PCDHGA3: variants seen among roughly 807,000 people sequenced by gnomAD.
PCDHGA3 encodes protocadherin gamma subfamily A, 3.
In PCDHGA3, 40 loss-of-function variants were observed where a neutral mutation model predicts 58.5. That is an observed-to-expected ratio of 0.68 (90% confidence interval 0.53 to 0.89). PCDHGA3 has a LOEUF of 0.89. Ranked by LOEUF, PCDHGA3 falls within the 40% of genes least tolerant of loss-of-function variation. The pLI is 0.00. For synonymous variants in PCDHGA3, 530 were observed against 525.7 expected, an observed-to-expected ratio of 1.01 and a Z score of -0.11; for missense variants, 1,223 against 1,195.9, an observed-to-expected ratio of 1.02 and a Z score of -0.33.
chr5:141,378,863 G>C (rs934816631), intron 1 of PCDHGA3: 1 of 152,136 alleles, frequency 6.6e-6, no homozygotes, highest in Non-Finnish European at 1.5e-5. Context: ...AATGATGTTC[G>C]AATAGAAAAT....
chr5:141,392,488 T>G, intron 1 of PCDHGA3: 1 of 203,312 alleles, frequency 4.9e-6, no homozygotes, highest in Non-Finnish European at 9.8e-6. Flanking sequence ...AACAAAGTAA[T>G]AAGCAAATGA....
intron 2 of PCDHGA3, among the ~76,000 whole-genome samples, chr5:141,496,744 T>C (rs1383447795): frequency 6.6e-6 from 1 of 152,170 alleles, no homozygotes; most frequent in Non-Finnish European, 1.5e-5. Context: ...GTTCATTTAT[T>C]CAACAAATAT....
chr5:141,376,602 A>C, intron 1 of PCDHGA3: 1 of 1,521,112 alleles, frequency 6.6e-7, no homozygotes, highest in Non-Finnish European at 8.9e-7. Context: ...CTGTTATAGA[A>C]GCGAACCTCT....
In PCDHGA3 at chr5:141,408,106, G is replaced by A. The variant is rs1474157141; in HGVS notation, c.2424+61649G>A. The A allele has an allele frequency of 8.3e-6, 12 of 1,444,288 alleles. No individual in the cohort carries two copies. In the East Asian group the frequency reaches 2.7e-4, roughly 33 times the overall value. 89.5% of individuals were successfully genotyped at this position (1,444,288 alleles called of 1,614,324 possible). On this transcript the variant is annotated intron_variant, in intron 1 of 3. Transcript: ENST00000253812. ...AGCGGATTGCCAGCTCCGAGACCCG[G>A]GACTCCTCCTGTCCTGGGCCGAATG...
At chr5:141,435,954 G>A (rs1163590812) in intron 1 of PCDHGA3, among the ~76,000 whole-genome samples, 2 of 152,092 alleles carry the variant, frequency 1.3e-5, no homozygotes, top group African/African-American at 2.4e-5. Flanking sequence ...AAAAAAGGGG[G>A]CAAAATATAG....
At position 141,477,596 on chromosome 5, in the gene PCDHGA3, T is replaced by G. The variant is rs1364779381; in HGVS notation, c.2425-17211T>G. ...CGCCCCGCAGAATGCTCGGCTTTCTTTCTTTCTCTTGGAGCAAGGAGCTGA... is the reference window on the plus strand; with the variant it reads ...CGCCCCGCAGAATGCTCGGCTTTCTGTCTTTCTCTTGGAGCAAGGAGCTGA... On this transcript the variant is annotated intron_variant, in intron 1 of 3. Transcript: ENST00000253812. This position sits in a 1 kb window ranked among gnomAD's most constrained non-coding sequence, Gnocchi z 4.9. The G allele has an allele frequency of 6.2e-7, 1 of 1,614,184 alleles. No individual in the cohort carries two copies. The highest frequency in any genetic ancestry group is 1.1e-5 in the South Asian group (1 of 91,086).
intron 1 of PCDHGA3, chr5:141,405,445 A>G: frequency 7.3e-7 from 1 of 1,360,898 alleles, no homozygotes; most frequent in Non-Finnish European, 1.0e-6. Context: ...TTTGAGACAG[A>G]GTCTTACTCT....
At chr5:141,443,448 T>C (rs1205977008) in intron 1 of PCDHGA3, among the ~76,000 whole-genome samples, 1 of 152,210 alleles carries the variant, frequency 6.6e-6, no homozygotes, top group African/African-American at 2.4e-5. Context: ...GTTGCGCTCC[T>C]GTACTCCAGT....
At position 141,431,176 on chromosome 5, in the gene PCDHGA3, A is replaced by G; in HGVS notation, c.2425-63631A>G. On this transcript the variant is annotated intron_variant, in intron 1 of 3. Coordinates refer to ENST00000253812, the MANE Select transcript of PCDHGA3 (RefSeq NM_018916.4). The surrounding 1 kb of genome is among the most constrained non-coding windows in gnomAD (Gnocchi z 4.8). Reference sequence around the variant, plus strand: ...CTTACTTTCGTGAAAGTGAATTAGAAATAAAAATTAGTGAAAATGCAGCCA... The same window carrying G: ...CTTACTTTCGTGAAAGTGAATTAGAGATAAAAATTAGTGAAAATGCAGCCA... The G allele has an allele frequency of 1.2e-6, 2 of 1,614,212 alleles. No individual in the cohort carries two copies. Among genetic ancestry groups the G allele is most frequent in the Non-Finnish European group, 1.7e-6 (2 of 1,180,032 alleles).
Position 141,477,952 on chromosome 5 carries a change from A to C in PCDHGA3, c.2425-16855A>C, listed in dbSNP as rs907708638. The C allele has an allele frequency of 1.2e-6, 2 of 1,614,038 alleles. No individual in the cohort carries two copies. Among genetic ancestry groups the C allele is most frequent in the Non-Finnish European group, 1.7e-6 (2 of 1,180,002 alleles). Reference sequence around the variant, plus strand: ...CCTGGCTCTCCTACAGTCTCTTGGGATCCCCTAACCAGAGCCTTTTTGCCA... The same window carrying C: ...CCTGGCTCTCCTACAGTCTCTTGGGCTCCCCTAACCAGAGCCTTTTTGCCA... On this transcript the variant is annotated intron_variant, in intron 1 of 3. Coordinates refer to ENST00000253812, the MANE Select transcript of PCDHGA3 (RefSeq NM_018916.4). This position sits in a 1 kb window ranked among gnomAD's most constrained non-coding sequence, Gnocchi z 4.9.
chr5:141,422,477 A>G (rs1230502545), intron 1 of PCDHGA3: 2 of 1,613,904 alleles, frequency 1.2e-6, no homozygotes, highest in Admixed American at 1.7e-5. Flanking sequence ...GAGTTGGTCC[A>G]GAGCTACAAT....
chr5:141,446,821 T>G (rs183143971), intron 1 of PCDHGA3, among the ~76,000 whole-genome samples: 2 of 152,184 alleles, frequency 1.3e-5, no homozygotes, highest in South Asian at 4.1e-4. Context: ...GTCAGATGGG[T>G]AGATCCTTAT....
chr5:141,454,580 ATT>A (rs1392342692), intron 1 of PCDHGA3, among the ~76,000 whole-genome samples: 2 of 151,234 alleles, frequency 1.3e-5, no homozygotes, highest in Non-Finnish European at 2.9e-5. Context: ...CTAATTTTGT[ATT>A]TTTAGTAGAG....
chr5:141,405,529 C>G, intron 1 of PCDHGA3: 1 of 654,350 alleles, frequency 1.5e-6, no homozygotes, highest in Middle Eastern at 4.2e-4. Flanking sequence ...AAGCGATTCT[C>G]CTGCCTCAGC....
intron 1 of PCDHGA3, among the ~76,000 whole-genome samples, chr5:141,349,097 G>A (rs1695448318): frequency 6.6e-6 from 1 of 152,138 alleles, no homozygotes; most frequent in South Asian, 2.1e-4. Context: ...TTGAGACAGA[G>A]TCTTGCTCTG....
rs763097687 is a variant in PCDHGA3 at position 141,489,361 on chromosome 5, C to G, written c.2425-5446C>G. On this transcript the variant is annotated intron_variant, in intron 1 of 3. Transcript: ENST00000253812. This position sits in a 1 kb window ranked among gnomAD's most constrained non-coding sequence, Gnocchi z 4.5. Reference sequence around the variant, plus strand: ...TTACTCAGTGGTGGAGGAGTCTGAGCCGGGGACGCTGGTGGGGAATGTTGC... The same window carrying G: ...TTACTCAGTGGTGGAGGAGTCTGAGGCGGGGACGCTGGTGGGGAATGTTGC... 6.2e-7 allele frequency: 1 copy of G among 1,612,762 alleles called. No homozygotes were observed. Among genetic ancestry groups the G allele is most frequent in the African/African-American group, 1.3e-5 (1 of 74,874 alleles).
chr5:141,449,724 A>AT (rs911465424), intron 1 of PCDHGA3, among the ~76,000 whole-genome samples: 1 of 151,176 alleles, frequency 6.6e-6, no homozygotes, highest in African/African-American at 2.4e-5. Context: ...ATATGATATG[A>AT]TTTTTTTATG....
chr5:141,453,680 A>G (rs1466590010), intron 1 of PCDHGA3, among the ~76,000 whole-genome samples: 1 of 152,220 alleles, frequency 6.6e-6, no homozygotes, highest in Non-Finnish European at 1.5e-5. Context: ...GTAACACACT[A>G]TGTAGGTAGT....
At chr5:141,357,334 C>T (rs373146854) in intron 1 of PCDHGA3, 1 of 1,614,118 alleles carries the variant, frequency 6.2e-7, no homozygotes, top group South Asian at 1.1e-5. Flanking sequence ...CACGGTGCTG[C>T]TAGCACTCAA....
Sources: allele counts gnomAD v4.1 joint callset (sites outside exome capture counted in the v4.1 genomes callset), GRCh38; gene constraint gnomAD v4.1.1; non-coding constraint Gnocchi (gnomAD v3.1); transcripts MANE v1.5; gene names NCBI Gene and HGNC (gene_info 2026-07-23, HGNC 2026-07-21).